BPI: variants seen among roughly 807,000 people sequenced by gnomAD.
The protein encoded by BPI is bactericidal permeability increasing protein.
In BPI, 48 loss-of-function variants were observed where a neutral mutation model predicts 57.6. The ratio of observed to expected loss-of-function variants is 0.83; its 90% CI spans 0.66 to 1.06. The LOEUF is 1.06. Among genes scored for constraint, BPI ranks in the 50% least tolerant of loss-of-function variants. The pLI, the probability that BPI is intolerant of heterozygous loss-of-function variation, is 0.00. For missense variants in BPI, 651 were observed against 609.7 expected (o/e 1.07, Z -0.71); for synonymous variants, 237 against 238.2 (o/e 0.99, Z 0.05).
rs1402885188 is a variant in BPI, at chr20:38,323,857, C to T, written c.757-13C>T. 1 of 1,612,558 alleles carries T rather than the reference C, an allele frequency of 6.2e-7. No individual in the cohort carries two copies. The highest frequency in any genetic ancestry group is 8.5e-7 in the Non-Finnish European group (1 of 1,179,254). On this transcript the variant is annotated splice_polypyrimidine_tract_variant and intron_variant, in intron 7 of 14. Transcript: ENST00000642449. ...AAGAATATCTGGGCTCACTCTGTTGCCTCTACCCCCAGGGGGAGTTTTACA... is the reference window on the plus strand; with the variant it reads ...AAGAATATCTGGGCTCACTCTGTTGTCTCTACCCCCAGGGGGAGTTTTACA...
chr20:38,311,726 A>T (rs1445571818), intron 4 of BPI, 148 bp from the exon 5 acceptor site: 2 of 683,226 alleles, frequency 2.9e-6, no homozygotes, highest in African/African-American at 3.6e-5. Context: ...GAAGTGTCTG[A>T]TGGGGTGTGT....
intron 6 of BPI, 113 bp downstream of exon 6, chr20:38,318,589 T>G (rs2076665202): frequency 1.7e-6 from 2 of 1,147,450 alleles, no homozygotes; most frequent in South Asian, 2.5e-5. Flanking sequence ...TGGGCCTGGG[T>G]GGGAATGAGC....
At chr20:38,329,400 GAGGTTTATGTGCTACTC>G (rs1382568959) in intron 11 of BPI, among the ~76,000 whole-genome samples, 1 of 152,202 alleles carries the variant, frequency 6.6e-6, no homozygotes, top group Non-Finnish European at 1.5e-5. Context: ...ACGAGCCCCA[GAGGTTTATGTGCTACTC>G]ATTTCTCCTG....
At chr20:38,330,954 G>A (rs983469723) in intron 11 of BPI, 94 bp from the exon 12 acceptor site, 12 of 1,448,646 alleles carry the variant, frequency 8.3e-6, no homozygotes, top group African/African-American at 5.6e-5. Context: ...AAACCAGACA[G>A]TATCCACCAG....
At chr20:38,335,570 T>C in intron 13 of BPI, 28 bp from the exon 14 acceptor site, 2 of 1,602,912 alleles carry the variant, frequency 1.2e-6, no homozygotes, top group South Asian at 2.2e-5. Context: ...TCTTTTCTCC[T>C]GGTCCTCACC....
chr20:38,310,476 T>C lies in BPI; in HGVS notation c.375-15T>C, dbSNP rs5741801. On this transcript the variant is annotated splice_polypyrimidine_tract_variant and intron_variant, in intron 3 of 14. Coordinates refer to ENST00000642449, the MANE Select transcript of BPI (RefSeq NM_001725.3). ...AGAAAGGACTTGTCCCACATTCCTC[T>C]TTGTTCTTCTTCAGAAAAATGAGCG... 108,895 of 1,610,248 alleles carry C rather than the reference T, an allele frequency of 0.068. 4,117 individuals carry two copies. The highest frequency in any genetic ancestry group is 0.09 in the African/African-American group (6,754 of 74,966).
chr20:38,304,814 G>A (rs1168666639), intron 1 of BPI, among the ~76,000 whole-genome samples: 1 of 152,186 alleles, frequency 6.6e-6, no homozygotes, highest in Admixed American at 6.5e-5. Context: ...GTGCTCCACT[G>A]GGTGACACAA....
intron 2 of BPI, 74 bp downstream of exon 2, chr20:38,307,755 A>G: frequency 1.6e-6 from 2 of 1,253,390 alleles, no homozygotes; most frequent in Non-Finnish European, 2.3e-6. Context: ...GCTAGAATGC[A>G]GAGCCACAAA....
At chr20:38,324,072 G>A in intron 8 of BPI, 26 bp downstream of exon 8, 1 of 1,610,570 alleles carries the variant, frequency 6.2e-7, no homozygotes, top group Non-Finnish European at 8.5e-7. Flanking sequence ...GGGTGGGTGT[G>A]GGAAGAGCAC....
At chr20:38,321,548 C>T (rs2076685743) in intron 7 of BPI, 1 of 152,188 alleles carries the variant, frequency 6.6e-6, no homozygotes, top group African/African-American at 2.4e-5. Context: ...CCCTACCACC[C>T]CAGCAAGAGT....
rs2076713197 is a variant in BPI, at chr20:38,326,332, C to T, written c.1061C>T (p.Ser354Phe). Residue 354 changes from serine (S) to phenylalanine (F), a missense_variant, in exon 10 of 15, where the codon TCT becomes TTT. Transcript: ENST00000642449. ...HVSASTPPHL[S>F]VQPTGLTFYP... ...TCAGCCTCCACCCCGCCACACCTGT[C>T]TGTGCAGCCCACCGGCCTTACCTTC... 2.5e-6 allele frequency: 4 copies of T among 1,614,160 alleles called. No individual in the cohort carries two copies. Among genetic ancestry groups the T allele is most frequent in the Non-Finnish European group, 2.5e-6 (3 of 1,180,018 alleles).
chr20:38,317,604 T>A, intron 5 of BPI: 1 of 715,790 alleles, frequency 1.4e-6, no homozygotes, highest in Non-Finnish European at 2.6e-6. Flanking sequence ...TACACAAAGG[T>A]CAGGTGTATT....
At chr20:38,312,992 C>A (rs1309493866) in intron 5 of BPI, among the ~76,000 whole-genome samples, 1 of 152,148 alleles carries the variant, frequency 6.6e-6, no homozygotes. Flanking sequence ...AGGGTAGGGT[C>A]TCAGGGAAGG....
rs1266481457 is a variant in BPI, at chr20:38,307,734, G to A, written c.245+53G>A. Reference sequence around the variant, plus strand: ...ATTTGCAGGACTTGTAGTGTTCTGGGGACACCAAGAGCTAGAATGCAGAGC... The same window carrying A: ...ATTTGCAGGACTTGTAGTGTTCTGGAGACACCAAGAGCTAGAATGCAGAGC... On this transcript the variant is annotated intron_variant, in intron 2 of 14. Coordinates refer to ENST00000642449, the MANE Select transcript of BPI (RefSeq NM_001725.3). The A allele has an allele frequency of 1.7e-5, 24 of 1,430,192 alleles. No individual in the cohort carries two copies. The East Asian group carries it at 5.5e-4, about 33-fold the overall frequency. 88.6% of individuals were successfully genotyped at this position (1,430,192 alleles called of 1,614,324 possible). A position where few individuals can be genotyped will look rare whatever the true frequency, so the allele number is the denominator to read the frequency against.
At chr20:38,324,976 T>C in intron 9 of BPI, 143 bp downstream of exon 9, 1 of 693,644 alleles carries the variant, frequency 1.4e-6, no homozygotes, top group Non-Finnish European at 2.5e-6. Context: ...TGGAAATAGC[T>C]TCATCCACAG....
chr20:38,318,941 G>C (rs1287931452), intron 6 of BPI, among the ~76,000 whole-genome samples: 1 of 152,092 alleles, frequency 6.6e-6, no homozygotes, highest in East Asian at 1.9e-4. Flanking sequence ...TATTCTCCCC[G>C]TTTTACACAG....
Position 38,308,843 on chromosome 20 carries a change from C to T in BPI, c.246-87C>T, listed in dbSNP as rs984889685. The T allele has an allele frequency of 5.9e-6, 9 of 1,519,952 alleles. No individual in the cohort carries two copies. In the Admixed American group the frequency reaches 1.1e-4, roughly 18 times the overall value. 94.2% of individuals were successfully genotyped at this position (1,519,952 alleles called of 1,614,324 possible). On this transcript the variant is annotated intron_variant, in intron 2 of 14. Coordinates refer to ENST00000642449, the MANE Select transcript of BPI (RefSeq NM_001725.3). ...GAGTGAAGGACCAGGTGGTGGGGGA[C>T]GAGTCTGCATTAACCATTAACGAAG... is the stretch of plus-strand genomic sequence containing the variant.
At chr20:38,324,982 C>T in intron 9 of BPI, 149 bp downstream of exon 9, 1 of 678,490 alleles carries the variant, frequency 1.5e-6, no homozygotes, top group South Asian at 1.8e-5. Flanking sequence ...TAGCTTCATC[C>T]ACAGAACAGA....
At chr20:38,304,469 T>C in intron 1 of BPI, 116 bp downstream of exon 1, 4 of 1,361,674 alleles carry the variant, frequency 2.9e-6, no homozygotes, top group East Asian at 2.5e-5. Flanking sequence ...TCAGGGCAGG[T>C]CCCCTTGCCC....
Sources: allele counts gnomAD v4.1 joint callset (sites outside exome capture counted in the v4.1 genomes callset), GRCh38; gene constraint gnomAD v4.1.1; transcripts MANE v1.5; gene names NCBI Gene and HGNC (gene_info 2026-07-23, HGNC 2026-07-21).